The following DLG3 variants were observed in gnomAD, a reference collection of about 807,000 sequenced individuals.
DLG3 encodes discs large MAGUK scaffold protein 3.
DLG3 carries 1 observed loss-of-function variant against 64.1 expected under a neutral mutation model. The observed-to-expected ratio is 0.02, with a 90% CI of 0.01 to 0.07. The LOEUF (loss-of-function observed/expected upper bound fraction) is 0.07, where lower values mean the gene tolerates loss of function less well. DLG3 is among the 10% of genes least tolerant of loss of function. The probability of loss-of-function intolerance (pLI) is 1.00; values close to 1 mark genes in which losing one functional copy is unlikely to be tolerated. For missense variants in DLG3, 429 were observed against 669.5 expected, an observed-to-expected ratio of 0.64 and a Z score of 3.96; for synonymous variants, 245 against 259.8, an observed-to-expected ratio of 0.94 and a Z score of 0.55.
intron 10 of DLG3, among the ~76,000 whole-genome samples, chrX:70,487,472 A>G (rs1031473941): frequency 9.0e-6 from 1 of 111,433 alleles, no homozygotes; most frequent in Non-Finnish European, 1.9e-5. Context: ...AGCTTCCCCA[A>G]ACTAGATGTG....
chrX:70,453,245 C>A, intron 7 of DLG3: 1 of 184,371 alleles, frequency 5.4e-6, no homozygotes, highest in South Asian at 1.3e-4. Flanking sequence ...CTCCACTGCC[C>A]CTAACTGCTT....
intron 3 of DLG3, 41 bp downstream of exon 3, chrX:70,449,524 G>A (rs1300346695): frequency 5.9e-6 from 7 of 1,192,481 alleles, no homozygotes; most frequent in Non-Finnish European, 5.7e-6. Flanking sequence ...GGCAGGGACA[G>A]GATCGAGATG....
chrX:70,469,159 C>T (rs7876583), intron 9 of DLG3, among the ~76,000 whole-genome samples: 28,685 of 109,564 alleles, frequency 0.26, 3,243 homozygotes, highest in African/African-American at 0.41. Context: ...TACAGGCGTA[C>T]ACCACCACGC....
Position 70,503,172 on chromosome X carries a change from C to T in DLG3, c.*903C>T, listed in dbSNP as rs2087596997. 1.8e-5 allele frequency: 2 copies of T among 112,081 alleles called. No homozygotes were observed. Among genetic ancestry groups the T allele is most frequent in the South Asian group, 3.7e-4 (1 of 2,702 alleles). 9.2% of individuals were successfully genotyped at this position (112,081 alleles called of 1,213,427 possible). On this transcript the variant is annotated 3_prime_UTR_variant, in exon 19 of 19. Transcript: ENST00000374360. The stretch of plus-strand genomic sequence containing the variant: ...ACAGAGAGAATGGCTAATGATGCTC[C>T]GCGTGGAATTGCCTATTGTTTTATG...
intron 9 of DLG3, among the ~76,000 whole-genome samples, chrX:70,470,282 G>A (rs2086948820): frequency 1.8e-5 from 2 of 109,811 alleles, no homozygotes; most frequent in Non-Finnish European, 3.8e-5. Flanking sequence ...AGGCTGGAGT[G>A]CAGTGGTGTG....
At chrX:70,453,588 A>G in intron 7 of DLG3, 49 bp from the exon 8 acceptor site, 1 of 1,198,306 alleles carries the variant, frequency 8.3e-7, no homozygotes, top group Non-Finnish European at 1.1e-6. Flanking sequence ...CTCAAAGGAC[A>G]ACAGTCCATA....
At chrX:70,449,920 C>A in intron 4 of DLG3, 61 bp downstream of exon 4, 1 of 1,137,561 alleles carries the variant, frequency 8.8e-7, no homozygotes, top group Non-Finnish European at 1.2e-6. Context: ...CCCATCTTGC[C>A]CCATAGGGAA....
chrX:70,453,792 C>G lies in DLG3; in HGVS notation c.1301C>G (p.Ser434Trp). ...CTGCGCAGGGGAGACCGGATCTTAT[C>G]GGTGAGGAGACAAAGGAGAGGTGGG... ...GELRRGDRIL[S>W]VNGVNLRNAT... Residue 434 changes from serine to tryptophan, a missense_variant and splice_region_variant, in exon 8 of 19, where the codon TCG becomes TGG. Physicochemically the swap from Ser to Trp is radical, Grantham distance 177. Coordinates refer to ENST00000374360, the MANE Select transcript of DLG3 (RefSeq NM_021120.4). The G allele has an allele frequency of 8.4e-7, 1 of 1,187,778 alleles. No homozygotes were observed. Among genetic ancestry groups the G allele is most frequent in the Non-Finnish European group, 1.1e-6 (1 of 882,048 alleles).
chrX:70,475,099 G>A (rs1334305965), intron 9 of DLG3, among the ~76,000 whole-genome samples: 6 of 110,727 alleles, frequency 5.4e-5, no homozygotes, highest in Admixed American at 1.9e-4. Context: ...GGGAGGCTGA[G>A]GCAGGTGGAT....
chrX:70,483,423 C>A (rs187174455), intron 10 of DLG3, among the ~76,000 whole-genome samples: 16 of 113,275 alleles, frequency 1.4e-4, no homozygotes, highest in African/African-American at 4.8e-4. Flanking sequence ...TGCCCTCTGG[C>A]AGTTCGCCAT....
At chrX:70,452,605 G>A in intron 7 of DLG3, 2 of 1,177,533 alleles carry the variant, frequency 1.7e-6, no homozygotes, top group Non-Finnish European at 2.3e-6. Flanking sequence ...GGCAGCCAGG[G>A]GAGAGAGAGA....
At chrX:70,498,671 A>C (rs28448374) in intron 14 of DLG3, 101 bp downstream of exon 14, 1 of 758,742 alleles carries the variant, frequency 1.3e-6, no homozygotes, top group Non-Finnish European at 1.9e-6. Context: ...CTGGAGGAGG[A>C]GGAAGGCTTG....
Position 70,500,031 on chromosome X carries a change from G to A in DLG3, c.2127G>A (p.Val709=), listed in dbSNP as rs201635733. Residue 709 remains valine (V), a synonymous_variant, in exon 16 of 19, where the codon GTG becomes GTA. Coordinates refer to ENST00000374360, the MANE Select transcript of DLG3 (RefSeq NM_021120.4). ...DNLYGTSIQS[V]RAVAERGKHC... is the part of the protein sequence containing the mutation. ...TCTATGGGACCAGCATCCAGTCAGT[G>A]CGGGCAGTTGCAGAGAGGGTAAGTG... 4.0e-5 allele frequency: 48 copies of A among 1,208,832 alleles called. No homozygotes were observed. In the Middle Eastern group the frequency reaches 6.9e-4, roughly 17 times the overall value.
rs191373436 is a variant in DLG3 at position 70,470,566 on chromosome X, T to C, written c.1406-8584T>C. Reference sequence around the variant, plus strand: ...ATTTGATAGGCAGGATGTTATTTTGTAGCTTTTCCCTTTTATATCTTCATT... The same window carrying C: ...ATTTGATAGGCAGGATGTTATTTTGCAGCTTTTCCCTTTTATATCTTCATT... On this transcript the variant is annotated intron_variant, in intron 9 of 18. Transcript: ENST00000374360. Among the ~76,000 whole-genome samples the C allele has an allele frequency of 4.8e-3, 537 of 111,710 alleles. 5 individuals carry two copies. The highest frequency in any genetic ancestry group is 0.017 in the African/African-American group (520 of 30,768).
intron 9 of DLG3, among the ~76,000 whole-genome samples, chrX:70,477,420 C>T (rs1166521259): frequency 8.9e-6 from 1 of 112,040 alleles, no homozygotes; most frequent in African/African-American, 3.2e-5. Flanking sequence ...ACAATCCCCA[C>T]CCAGTGTAGA....
intron 9 of DLG3, among the ~76,000 whole-genome samples, chrX:70,467,877 C>T (rs937025768): frequency 9.0e-6 from 1 of 111,680 alleles, no homozygotes; most frequent in East Asian, 2.8e-4. Flanking sequence ...GTTAATCTTT[C>T]ATTTGAATAT....
Position 70,500,490 on chromosome X carries a change from A to G in DLG3, c.2165A>G (p.Asp722Gly). 8.3e-7 allele frequency: 1 copy of G among 1,209,637 alleles called. No homozygotes were observed. The highest frequency in any genetic ancestry group is 1.1e-6 in the Non-Finnish European group (1 of 894,296). The change falls in exon 17 of 19, where the codon GAT becomes GGT. Residue 722 changes from aspartate to glycine, a missense_variant. Asp to Gly is a moderately conservative substitution (Grantham distance 94, BLOSUM62 -1). Coordinates refer to ENST00000374360, the MANE Select transcript of DLG3 (RefSeq NM_021120.4). ...TTTCAGGGCAAGCACTGCATCTTAG[A>G]TGTTTCCGGCAATGCTATCAAGAGA... Reference protein sequence around the residue: ...VAERGKHCILDVSGNAIKRLQ... With the variant: ...VAERGKHCILGVSGNAIKRLQ...
At chrX:70,477,938 A>G (rs1458712391) in intron 9 of DLG3, among the ~76,000 whole-genome samples, 2 of 111,947 alleles carry the variant, frequency 1.8e-5, no homozygotes, top group Non-Finnish European at 1.9e-5. Context: ...CTGTAGAGTC[A>G]TACGGACTAG....
intron 10 of DLG3, among the ~76,000 whole-genome samples, chrX:70,488,238 C>T (rs933704123): frequency 2.8e-5 from 3 of 106,798 alleles, no homozygotes; most frequent in Admixed American, 1.0e-4. Flanking sequence ...TCTCCATCTC[C>T]TGACCTTGTG....
Sources: gnomAD v4.1 joint callset for allele counts (sites outside exome capture counted in the v4.1 genomes callset) on GRCh38, gnomAD v4.1.1 for gene constraint, MANE v1.5 for transcripts, NCBI Gene and HGNC (gene_info 2026-07-23, HGNC 2026-07-21) for gene names.